ABCB5: variants seen among roughly 807,000 people sequenced by gnomAD.
ABCB5 encodes the protein ATP binding cassette subfamily B member 5, also known as ATP-binding cassette sub-family B member 5.
ABCB5 carries 155 observed loss-of-function variants against 144.2 expected under a neutral mutation model. The ratio of observed to expected loss-of-function variants is 1.08; its 90% CI spans 0.94 to 1.23. ABCB5 has a LOEUF of 1.23. ABCB5 is among the 50% of genes most tolerant of loss of function. The probability of loss-of-function intolerance (pLI) is 0.00; values close to 1 mark genes in which losing one functional copy is unlikely to be tolerated. For missense variants in ABCB5, 1,830 were observed against 1,520.8 expected (o/e 1.20, Z -3.38); for synonymous variants, 610 against 528.6 (o/e 1.15, Z -2.11).
intron 1 of ABCB5, among the ~76,000 whole-genome samples, chr7:20,620,992 C>G (rs1462361046): frequency 1.3e-5 from 2 of 152,088 alleles, no homozygotes; most frequent in African/African-American, 2.4e-5. Context: ...TGAAAACAAT[C>G]CAAGTGTCCA....
At position 20,662,458 on chromosome 7, in the gene ABCB5, G is replaced by C. The variant is rs879709651; in HGVS notation, c.1707+3782G>C. 3.9e-5 allele frequency among the ~76,000 whole-genome samples: 6 copies of C among 152,176 alleles called. No homozygotes were observed. In the East Asian group the frequency reaches 7.7e-4, roughly 20 times the overall value. On this transcript the variant is annotated intron_variant, in intron 14 of 27. Coordinates refer to ENST00000404938, the MANE Select transcript of ABCB5 (RefSeq NM_001163941.2). ...AGTGATTATCCAAAGTCGAAGTTAG[G>C]TCAGAGTAAATTTTACACACAAACA...
At chr7:20,665,386 G>A (rs1291627253) in intron 14 of ABCB5, among the ~76,000 whole-genome samples, 1 of 152,164 alleles carries the variant, frequency 6.6e-6, no homozygotes, top group Non-Finnish European at 1.5e-5. Context: ...TGGAACCCAT[G>A]TCGACCCAGA....
chr7:20,728,650 A>C (rs1396530196), intron 23 of ABCB5, among the ~76,000 whole-genome samples, 195 bp downstream of exon 23: 4 of 152,220 alleles, frequency 2.6e-5, no homozygotes, highest in Non-Finnish European at 5.9e-5. Context: ...CCTACTCAGG[A>C]GGCTGAGGCA....
At chr7:20,639,560 A>T (rs1427918032) in intron 5 of ABCB5, among the ~76,000 whole-genome samples, 2 of 152,182 alleles carry the variant, frequency 1.3e-5, no homozygotes, top group Non-Finnish European at 2.9e-5. Flanking sequence ...TTTTTTTTGC[A>T]TGTGGCTGTC....
chr7:20,705,322 T>TATA (rs775519273), intron 20 of ABCB5, among the ~76,000 whole-genome samples: 165 of 152,360 alleles, frequency 1.1e-3, no homozygotes, highest in South Asian at 2.7e-3. Context: ...GATATTTGTA[T>TATA]ATATTCATAA....
intron 23 of ABCB5, among the ~76,000 whole-genome samples, chr7:20,731,382 A>G (rs1252258634): frequency 1.3e-5 from 2 of 148,406 alleles, no homozygotes; most frequent in Non-Finnish European, 3.0e-5. Context: ...ATATATATAT[A>G]TATACATATA....
At chr7:20,679,069 T>A (rs907444390) in intron 14 of ABCB5, among the ~76,000 whole-genome samples, 2 of 152,090 alleles carry the variant, frequency 1.3e-5, no homozygotes, top group African/African-American at 4.8e-5. Flanking sequence ...GGAGTAAAGA[T>A]TTCTTAAAAC....
intron 20 of ABCB5, among the ~76,000 whole-genome samples, chr7:20,710,092 G>T (rs1786973996): frequency 6.8e-6 from 1 of 148,110 alleles, no homozygotes; most frequent in South Asian, 2.2e-4. Context: ...AGGTAGCCAG[G>T]GGTGGTGGCT....
intron 25 of ABCB5, 41 bp from the exon 26 acceptor site, chr7:20,745,191 G>A: frequency 6.4e-7 from 1 of 1,574,542 alleles, no homozygotes; most frequent in African/African-American, 1.3e-5. Context: ...TGATACAGTT[G>A]TGTGATCTTA....
intron 21 of ABCB5, 145 bp downstream of exon 21, chr7:20,723,364 A>G: frequency 1.3e-6 from 1 of 768,642 alleles, no homozygotes; most frequent in South Asian, 1.8e-5. Context: ...ATATGTATAG[A>G]GAGAGAAATG....
At chr7:20,691,392 A>G (rs1013953812) in intron 16 of ABCB5, among the ~76,000 whole-genome samples, 2 of 151,536 alleles carry the variant, frequency 1.3e-5, no homozygotes, top group Admixed American at 1.3e-4. Flanking sequence ...GAAAGAGAAA[A>G]GCCCAGAGAT....
intron 20 of ABCB5, among the ~76,000 whole-genome samples, chr7:20,711,778 C>CTCTCTCTCTCTCTTTCTCTCTCTCTT (rs1562573557): frequency 2.1e-5 from 1 of 47,110 alleles, no homozygotes; most frequent in African/African-American, 1.2e-4. Flanking sequence ...TTCCTTCTTT[C>CTCTCTCTCTCTCTTTCTCTCTCTCTT]TCTTTCTTTC....
chr7:20,750,648 T>C (rs1008789700), intron 26 of ABCB5, among the ~76,000 whole-genome samples: 1 of 152,082 alleles, frequency 6.6e-6, no homozygotes, highest in African/African-American at 2.4e-5. Flanking sequence ...ATATCGTATA[T>C]GTATAATACG....
At chr7:20,731,776 C>T (rs1159571005) in intron 23 of ABCB5, among the ~76,000 whole-genome samples, 1 of 152,134 alleles carries the variant, frequency 6.6e-6, no homozygotes, top group Non-Finnish European at 1.5e-5. Flanking sequence ...TTGCCATTGT[C>T]CACCACATAA....
chr7:20,728,814 A>G (rs1306163790), intron 23 of ABCB5, among the ~76,000 whole-genome samples: 1 of 152,224 alleles, frequency 6.6e-6, no homozygotes, highest in African/African-American at 2.4e-5. Context: ...GGGGTCATGT[A>G]CTTATTTACC....
At chr7:20,737,287 AC>A (rs1389772963) in intron 23 of ABCB5, among the ~76,000 whole-genome samples, 3 of 151,436 alleles carry the variant, frequency 2.0e-5, no homozygotes, top group Non-Finnish European at 2.9e-5. Context: ...CATCCCACTT[AC>A]GTTTCTCTCA....
At chr7:20,658,865 T>C (rs765947300) in intron 14 of ABCB5, among the ~76,000 whole-genome samples, 189 bp downstream of exon 14, 1 of 152,178 alleles carries the variant, frequency 6.6e-6, no homozygotes, top group Non-Finnish European at 1.5e-5. Context: ...AAGGAGATGC[T>C]GTGGTTGGTT....
chr7:20,654,569 T>G (rs973328808), intron 13 of ABCB5, among the ~76,000 whole-genome samples: 3 of 152,070 alleles, frequency 2.0e-5, no homozygotes, highest in African/African-American at 7.2e-5. Context: ...CACGCAACAT[T>G]CTCTAAAATA....
At chr7:20,636,782 CAAAAA>C (rs35824075) in intron 5 of ABCB5, among the ~76,000 whole-genome samples, 28 of 74,250 alleles carry the variant, frequency 3.8e-4, no homozygotes, top group African/African-American at 1.0e-3. Flanking sequence ...AAGACTCCAT[CAAAAA>C]AAAAAAAAAA....
Sources: gnomAD v4.1 joint callset for allele counts (sites outside exome capture counted in the v4.1 genomes callset) on GRCh38, gnomAD v4.1.1 for gene constraint, MANE v1.5 for transcripts, NCBI Gene and HGNC (gene_info 2026-07-23, HGNC 2026-07-21) for gene names.